The following TAFA1 variants were observed in gnomAD, a reference collection of about 807,000 sequenced individuals.
The protein encoded by TAFA1 is TAFA chemokine like family member 1, also known as chemokine-like protein TAFA-1.
TAFA1 carries 4 observed loss-of-function variants against 18.5 expected under a neutral mutation model. That is an observed-to-expected ratio of 0.22 (90% CI 0.11 to 0.49). The LOEUF (loss-of-function observed/expected upper bound fraction) is 0.49, where lower values mean the gene tolerates loss of function less well. TAFA1 is among the 20% of genes least tolerant of loss of function. TAFA1 has a pLI of 0.98. For synonymous variants in TAFA1, 56 were observed against 55.2 expected (o/e 1.01, Z -0.06); for missense variants, 147 against 169.0 (o/e 0.87, Z 0.72).
At chr3:68,069,346 G>GA (rs2064722917) in intron 2 of TAFA1, among the ~76,000 whole-genome samples, 2 of 152,294 alleles carry the variant, frequency 1.3e-5, no homozygotes, top group Admixed American at 6.5e-5. Context: ...CTTGAGCAGG[G>GA]AAAGTCCCCC....
intron 2 of TAFA1, among the ~76,000 whole-genome samples, chr3:68,074,820 G>A (rs1335480427): frequency 6.6e-6 from 1 of 152,148 alleles, no homozygotes; most frequent in Non-Finnish European, 1.5e-5. Context: ...ATTACTTCTT[G>A]AGTCTTGAAA....
At chr3:68,265,982 A>G (rs556843561) in intron 2 of TAFA1, among the ~76,000 whole-genome samples, 34 of 152,198 alleles carry the variant, frequency 2.2e-4, no homozygotes, top group Non-Finnish European at 4.7e-4. Flanking sequence ...TTGAGTTTCT[A>G]AATTGAACGG....
chr3:68,451,611 A>G (rs1375882812), intron 3 of TAFA1, among the ~76,000 whole-genome samples: 1 of 152,166 alleles, frequency 6.6e-6, no homozygotes, highest in Non-Finnish European at 1.5e-5. Context: ...TGAGCACAAA[A>G]GAGGTTGATT....
chr3:68,271,815 ATC>A (rs140600575), intron 2 of TAFA1, among the ~76,000 whole-genome samples: 77 of 146,858 alleles, frequency 5.2e-4, no homozygotes, highest in East Asian at 3.8e-3. Context: ...CTCTTTGTCT[ATC>A]TCTCTCTCTC....
At chr3:68,469,846 TTCTTA>T (rs2071961936) in intron 3 of TAFA1, among the ~76,000 whole-genome samples, 1 of 152,204 alleles carries the variant, frequency 6.6e-6, no homozygotes, top group Admixed American at 6.5e-5. Context: ...AGCTTCAGTT[TTCTTA>T]TCTGCAAAAT....
chr3:68,411,173 AT>A (rs1405916576), intron 2 of TAFA1, among the ~76,000 whole-genome samples: 1 of 152,166 alleles, frequency 6.6e-6, no homozygotes, highest in South Asian at 2.1e-4. Context: ...ATTGTATGTC[AT>A]TTTATGTCCT....
intron 2 of TAFA1, among the ~76,000 whole-genome samples, chr3:68,330,810 G>A (rs1446786014): frequency 6.6e-6 from 1 of 152,132 alleles, no homozygotes; most frequent in Non-Finnish European, 1.5e-5. Context: ...CTGCCTTAAT[G>A]GTCTTAGTCT....
rs1425186934 is a variant in TAFA1, at chr3:68,230,491, T to C, written c.119-186789T>C. Among the ~76,000 whole-genome samples the C allele has an allele frequency of 2.6e-5, 4 of 152,242 alleles. No individual in the cohort carries two copies. The East Asian group carries it at 7.7e-4, about 29-fold the overall frequency. On this transcript the variant is annotated intron_variant, in intron 2 of 4. Transcript: ENST00000478136. Reference sequence around the variant, plus strand: ...GCTGAATAGTATTTCATTGTGTATATGTACCACATTTTCTTTATTCATTCA... The same window carrying C: ...GCTGAATAGTATTTCATTGTGTATACGTACCACATTTTCTTTATTCATTCA...
chr3:68,507,440 A>G (rs149743417), intron 3 of TAFA1, among the ~76,000 whole-genome samples: 25 of 152,218 alleles, frequency 1.6e-4, no homozygotes, highest in African/African-American at 5.5e-4. Flanking sequence ...TAACATGATT[A>G]CCAGGTTGTC....
At chr3:68,218,236 A>ATT (rs2066684348) in intron 2 of TAFA1, among the ~76,000 whole-genome samples, 1 of 152,074 alleles carries the variant, frequency 6.6e-6, no homozygotes, top group Non-Finnish European at 1.5e-5. Context: ...TTGATTTCAG[A>ATT]TTTTTTTCTC....
chr3:68,415,717 C>G (rs1467404746), intron 2 of TAFA1, among the ~76,000 whole-genome samples: 1 of 152,084 alleles, frequency 6.6e-6, no homozygotes, highest in Non-Finnish European at 1.5e-5. Flanking sequence ...GCACTAACCC[C>G]TTTACATGTG....
intron 2 of TAFA1, among the ~76,000 whole-genome samples, chr3:68,081,687 C>T (rs569812568): frequency 3.3e-5 from 5 of 152,258 alleles, no homozygotes; most frequent in African/African-American, 1.2e-4. Context: ...TCTCCAGCTG[C>T]GTGCTGGGAG....
chr3:68,245,190 G>T (rs1468346061), intron 2 of TAFA1, among the ~76,000 whole-genome samples: 7 of 152,136 alleles, frequency 4.6e-5, no homozygotes, highest in Non-Finnish European at 7.4e-5. Flanking sequence ...AAAATAAAAT[G>T]GTAGTCTTCA....
chr3:67,995,111 T>G, the TAFA1 span, among the ~76,000 whole-genome samples: 2 of 152,218 alleles, frequency 1.3e-5, no homozygotes, highest in African/African-American at 4.8e-5. Context: ...AAGCACATAG[T>G]AAGCATTCAA....
chr3:68,499,072 C>T (rs1416468303), intron 3 of TAFA1, among the ~76,000 whole-genome samples: 6 of 152,020 alleles, frequency 3.9e-5, no homozygotes. Flanking sequence ...TAAAATGGAA[C>T]TGGAGAAATC....
chr3:68,355,311 T>C (rs773730391), intron 2 of TAFA1, among the ~76,000 whole-genome samples: 20 of 151,892 alleles, frequency 1.3e-4, no homozygotes, highest in African/African-American at 4.8e-4. Context: ...ATTAAGAATA[T>C]GGGCTTTGAA....
At chr3:68,283,727 A>G (rs917787302) in intron 2 of TAFA1, among the ~76,000 whole-genome samples, 2 of 152,160 alleles carry the variant, frequency 1.3e-5, no homozygotes, top group East Asian at 1.9e-4. Context: ...CTTCCTAGCT[A>G]TCCTACCTCA....
chr3:68,499,446 C>CTCT (rs2072617692), intron 3 of TAFA1, among the ~76,000 whole-genome samples: 2 of 112,168 alleles, frequency 1.8e-5, no homozygotes, highest in Admixed American at 8.9e-5. Context: ...GTGTTCCTTT[C>CTCT]TTTTTTTTTT....
At chr3:68,396,391 C>A (rs1007034831) in intron 2 of TAFA1, among the ~76,000 whole-genome samples, 2 of 152,128 alleles carry the variant, frequency 1.3e-5, no homozygotes, top group African/African-American at 4.8e-5. Context: ...TCTCTACTAC[C>A]TTTCCCAAGG....
Sources: allele counts gnomAD v4.1 joint callset (sites outside exome capture counted in the v4.1 genomes callset), GRCh38; gene constraint gnomAD v4.1.1; transcripts MANE v1.5; gene names NCBI Gene and HGNC (gene_info 2026-07-23, HGNC 2026-07-21).